GNAT3: variants seen among roughly 807,000 people sequenced by gnomAD.
The protein encoded by GNAT3 is guanine nucleotide-binding protein G(t) subunit alpha-3.
Under a neutral mutation model 37.7 loss-of-function variants are expected in GNAT3, and 31 were observed. That is an observed-to-expected ratio of 0.82 (90% CI 0.62 to 1.11). The LOEUF (loss-of-function observed/expected upper bound fraction) is 1.11, where lower values mean the gene tolerates loss of function less well. GNAT3 is among the 50% of genes most tolerant of loss of function. The pLI is 0.00. For synonymous variants in GNAT3, 138 were observed against 139.8 expected (o/e 0.99, Z 0.09); for missense variants, 437 against 412.5 (o/e 1.06, Z -0.51).
intron 1 of GNAT3, 45 bp downstream of exon 1, chr7:80,511,764 G>T: frequency 1.7e-6 from 2 of 1,161,016 alleles, no homozygotes; most frequent in Non-Finnish European, 2.5e-6. Flanking sequence ...TATCACAATT[G>T]AAAAAAAAGT....
chr7:80,480,343 A>G (rs1449985201), intron 3 of GNAT3, among the ~76,000 whole-genome samples: 1 of 152,204 alleles, frequency 6.6e-6, no homozygotes, highest in Non-Finnish European at 1.5e-5. Flanking sequence ...TAAAACTCAG[A>G]GTTTTAGAAA....
intron 5 of GNAT3, among the ~76,000 whole-genome samples, chr7:80,470,437 G>A (rs1046379855): frequency 6.6e-6 from 1 of 152,098 alleles, no homozygotes; most frequent in African/African-American, 2.4e-5. Flanking sequence ...GGCCAGGCTG[G>A]TCTGAACTCC....
chr7:80,481,734 T>G lies in GNAT3; in HGVS notation c.304-2736A>C, dbSNP rs111637625. Among the ~76,000 whole-genome samples, 594 of 152,226 alleles carry G rather than the reference T, an allele frequency of 3.9e-3. 2 individuals are homozygous for G. The highest frequency in any genetic ancestry group is 6.7e-3 in the Non-Finnish European group (458 of 68,012). ...TTTTAAAGGTCTACATAGGAAATAT[T>G]TGCCATCTATTGCCTCTAAGGGTGC... On this transcript the variant is annotated intron_variant, in intron 3 of 7. Coordinates refer to ENST00000398291, the MANE Select transcript of GNAT3 (RefSeq NM_001102386.3).
chr7:80,501,854 G>A (rs1790839786), intron 1 of GNAT3, among the ~76,000 whole-genome samples: 1 of 151,842 alleles, frequency 6.6e-6, no homozygotes, highest in South Asian at 2.1e-4. Flanking sequence ...ATGACTACAA[G>A]TACCTATTTC....
intron 4 of GNAT3, among the ~76,000 whole-genome samples, chr7:80,476,463 C>T (rs1050607133): frequency 8.8e-5 from 13 of 147,298 alleles, no homozygotes; most frequent in East Asian, 4.0e-4. Flanking sequence ...GCAAACCATG[C>T]AGTCAACTAA....
rs1031993299 is a variant in GNAT3 at position 80,462,497 on chromosome 7, C to T, written c.720+5G>A. On this transcript the variant is annotated splice_donor_5th_base_variant and intron_variant, in intron 6 of 7. Coordinates refer to ENST00000398291, the MANE Select transcript of GNAT3 (RefSeq NM_001102386.3). ...ACCCTGGCTTTGTTTTTCCTTTAGA[C>T]TTACCACTTCTTCGTCTTCCACGAG... 1 of 1,612,670 alleles carries T rather than the reference C, an allele frequency of 6.2e-7. No individual in the cohort carries two copies. Among genetic ancestry groups the T allele is most frequent in the Non-Finnish European group, 8.5e-7 (1 of 1,179,438 alleles).
intron 1 of GNAT3, among the ~76,000 whole-genome samples, chr7:80,504,992 A>G (rs1310457325): frequency 6.6e-6 from 1 of 152,210 alleles, no homozygotes; most frequent in African/African-American, 2.4e-5. Flanking sequence ...ACTGAAAATG[A>G]TACACTGTTT....
intron 3 of GNAT3, among the ~76,000 whole-genome samples, chr7:80,481,923 C>T (rs1790397736): frequency 6.6e-6 from 1 of 152,104 alleles, no homozygotes; most frequent in African/African-American, 2.4e-5. Context: ...TGTTTGAATC[C>T]ACCTATGACT....
intron 2 of GNAT3, among the ~76,000 whole-genome samples, chr7:80,489,822 A>G (rs1446738668): frequency 1.3e-5 from 2 of 152,140 alleles, no homozygotes; most frequent in Admixed American, 1.3e-4. Flanking sequence ...AAGAAATCCC[A>G]GTTTTCTGTC....
chr7:80,497,708 G>T, intron 1 of GNAT3, among the ~76,000 whole-genome samples: 1 of 151,150 alleles, frequency 6.6e-6, no homozygotes, highest in African/African-American at 2.4e-5. Context: ...AAATTACAGA[G>T]CAGTGGGGAT....
At position 80,494,506 on chromosome 7, in the gene GNAT3, AGAT is replaced by A. The variant is rs1462069038; in HGVS notation, c.161+96_161+98del. 1.6e-5 allele frequency: 11 copies of A among 680,838 alleles called. No individual in the cohort carries two copies. In the East Asian group the frequency reaches 3.1e-4, roughly 19 times the overall value. 42.2% of individuals were successfully genotyped at this position (680,838 alleles called of 1,614,324 possible). ...CACTCTATGATCCATGATTTAGAAA[AGAT>A]TGTCAATCAGCATTTACAAAAGCAT... On this transcript the variant is annotated intron_variant, in intron 2 of 7. Transcript: ENST00000398291.
intron 1 of GNAT3, among the ~76,000 whole-genome samples, chr7:80,499,877 G>A (rs1239621725): frequency 6.6e-6 from 1 of 152,050 alleles, no homozygotes; most frequent in Non-Finnish European, 1.5e-5. Context: ...AAACTTGGGA[G>A]GATTAGATCA....
At chr7:80,496,592 A>T (rs1790721301) in intron 1 of GNAT3, among the ~76,000 whole-genome samples, 1 of 152,202 alleles carries the variant, frequency 6.6e-6, no homozygotes, top group Non-Finnish European at 1.5e-5. Context: ...ATCACTGCAA[A>T]GTAAATTTCA....
At chr7:80,470,162 T>C (rs921575232) in intron 5 of GNAT3, among the ~76,000 whole-genome samples, 12 of 152,232 alleles carry the variant, frequency 7.9e-5, no homozygotes, top group African/African-American at 2.9e-4. Flanking sequence ...AAAACAAGCT[T>C]GATACCTGTT....
At chr7:80,485,210 C>G (rs1206892476) in intron 3 of GNAT3, among the ~76,000 whole-genome samples, 3 of 151,584 alleles carry the variant, frequency 2.0e-5, no homozygotes, top group Non-Finnish European at 4.4e-5. Flanking sequence ...TCTGTTATCC[C>G]TAATACCCTT....
rs1790366188 is a variant in GNAT3, at chr7:80,479,939, G to A, written c.304-941C>T. ...ACAAATCAGTAGGACAGAGGTGAGA[G>A]TTTTTTATGCAAAGCAAGGAATTAT... On this transcript the variant is annotated intron_variant, in intron 3 of 7. Transcript: ENST00000398291. 2.6e-5 allele frequency among the ~76,000 whole-genome samples: 4 copies of A among 152,042 alleles called. No homozygotes were observed. The South Asian group carries it at 8.3e-4, about 31-fold the overall frequency.
chr7:80,509,239 A>G (rs1219774702), intron 1 of GNAT3, among the ~76,000 whole-genome samples: 4 of 152,152 alleles, frequency 2.6e-5, no homozygotes, highest in Non-Finnish European at 5.9e-5. Context: ...AGAATGAAGT[A>G]GAGCTGTTAT....
chr7:80,489,337 A>T (rs1018294087), intron 2 of GNAT3, among the ~76,000 whole-genome samples: 2 of 152,154 alleles, frequency 1.3e-5, no homozygotes, highest in Non-Finnish European at 1.5e-5. Flanking sequence ...CTTAAAATAG[A>T]TTTACCTATC....
intron 7 of GNAT3, 27 bp downstream of exon 7, chr7:80,462,132 T>C (rs1790060226): frequency 1.4e-6 from 2 of 1,419,364 alleles, no homozygotes; most frequent in African/African-American, 2.9e-5. Flanking sequence ...AATTTATTTC[T>C]ATGGAACTAA....
Sources: gnomAD v4.1 joint callset for allele counts (sites outside exome capture counted in the v4.1 genomes callset) on GRCh38, gnomAD v4.1.1 for gene constraint, MANE v1.5 for transcripts, NCBI Gene and HGNC (gene_info 2026-07-23, HGNC 2026-07-21) for gene names.